Variants in CYGB observed in about 807,000 individuals in gnomAD.
CYGB encodes cytoglobin.
Under a neutral mutation model 20.7 loss-of-function variants are expected in CYGB, and 13 were observed. The observed-to-expected ratio is 0.63, with a 90% confidence interval of 0.41 to 1.00. The LOEUF (loss-of-function observed/expected upper bound fraction) is 1.00, where lower values mean the gene tolerates loss of function less well. Ranked by LOEUF, CYGB falls within the 50% of genes least tolerant of loss-of-function variation. The pLI, the probability that CYGB is intolerant of heterozygous loss-of-function variation, is 0.00. For synonymous variants in CYGB, 93 were observed against 107.4 expected (o/e 0.87, Z 0.83); for missense variants, 218 against 257.2 (o/e 0.85, Z 1.04).
rs1177295031 is a variant in CYGB at position 76,528,132 on chromosome 17, GTA to G, written c.*444_*445del. The G allele has an allele frequency of 2.7e-5, 9 of 333,634 alleles. No individual in the cohort carries two copies. Among genetic ancestry groups the G allele is most frequent in the African/African-American group, 1.3e-4 (6 of 46,634 alleles). 20.7% of individuals were successfully genotyped at this position (333,634 alleles called of 1,614,324 possible). A position where few individuals can be genotyped will look rare whatever the true frequency, so the allele number is the denominator to read the frequency against. On this transcript the variant is annotated 3_prime_UTR_variant, in exon 4 of 4. Transcript: ENST00000293230. The surrounding 1 kb of genome is among the most constrained non-coding windows in gnomAD (Gnocchi z 5.8). ...GATATGTATGTGTGTATATATATATGTATATATATATTTATATATAGCTCGTA... is the reference window on the plus strand; with the variant it reads ...GATATGTATGTGTGTATATATATATGTATATATATTTATATATAGCTCGTA...
chr17:76,535,398 C>T (rs1004220103), intron 1 of CYGB, among the ~76,000 whole-genome samples: 19 of 152,148 alleles, frequency 1.2e-4, no homozygotes, highest in Non-Finnish European at 1.2e-4. Flanking sequence ...GAGAAGGGAC[C>T]TTCAGGAGCC....
At chr17:76,540,213 A>G (rs754000197), upstream of CYGB, 20 of 1,383,780 alleles carry the variant, frequency 1.4e-5, 1 homozygote, top group South Asian at 2.3e-4. The surrounding 1 kb of genome is among the most constrained non-coding windows in gnomAD (Gnocchi z 5.0). Context: ...ACCGAGTCCA[A>G]CCGTGAGAAA....
chr17:76,548,427 C>T (rs1196210311), intron 1 of CYGB, among the ~76,000 whole-genome samples: 1 of 152,172 alleles, frequency 6.6e-6, no homozygotes, highest in Non-Finnish European at 1.5e-5. Context: ...ATGTACAAAC[C>T]CTGTATCAGG....
At chr17:76,537,730 A>T, upstream of CYGB, 2 of 214,354 alleles carry the variant, frequency 9.3e-6, no homozygotes, top group Non-Finnish European at 1.4e-5. Context: ...GCGTGTGTGC[A>T]GGGTATATGT....
chr17:76,541,504 C>T (rs2074993280), upstream of CYGB, among the ~76,000 whole-genome samples: 1 of 152,132 alleles, frequency 6.6e-6, no homozygotes, highest in South Asian at 2.1e-4. Context: ...AAACTGGCAA[C>T]CGAGAGAACT....
chr17:76,538,187 G>C (rs1297870103), upstream of CYGB: 1 of 157,126 alleles, frequency 6.4e-6, no homozygotes. Context: ...GCCCGTGGGG[G>C]CGAACAGGAG....
At chr17:76,540,100 C>A (rs766885858), upstream of CYGB, 2 of 1,575,166 alleles carry the variant, frequency 1.3e-6, no homozygotes, top group Admixed American at 1.8e-5. The surrounding 1 kb of genome is among the most constrained non-coding windows in gnomAD (Gnocchi z 5.0). Context: ...CGCCTGTGGC[C>A]TTCTGCAGAC....
intron 1 of CYGB, among the ~76,000 whole-genome samples, chr17:76,536,884 A>AC (rs1223186848): frequency 4.0e-5 from 6 of 151,584 alleles, no homozygotes; most frequent in South Asian, 4.2e-4. Context: ...GGAACACTGG[A>AC]CCCCCCGGGC....
chr17:76,544,454 C>T (rs1197239379), intron 1 of CYGB: 9 of 455,104 alleles, frequency 2.0e-5, no homozygotes, highest in African/African-American at 4.0e-5. Flanking sequence ...GGAGGGCCTG[C>T]TGGTACCTCG....
upstream of CYGB, chr17:76,538,111 C>T (rs1171384567): frequency 6.5e-6 from 1 of 154,236 alleles, no homozygotes; most frequent in Non-Finnish European, 1.4e-5. Flanking sequence ...GGACCCTTCC[C>T]GCGGCGGGGA....
Position 76,528,943 on chromosome 17 carries a change from T to G in CYGB, c.540-332A>C, listed in dbSNP as rs1454278141. ...ATGTGAGCTCTTTTTCCATTAATTC[T>G]GAAACGTGGCGCATTCTGTCCGGCC... On this transcript the variant is annotated intron_variant, in intron 3 of 3. Coordinates refer to ENST00000293230, the MANE Select transcript of CYGB (RefSeq NM_134268.5). This position sits in a 1 kb window ranked among gnomAD's most constrained non-coding sequence, Gnocchi z 5.8. 1.8e-6 allele frequency: 2 copies of G among 1,103,484 alleles called. No individual in the cohort carries two copies. The highest frequency in any genetic ancestry group is 3.3e-5 in the African/African-American group (2 of 61,382). The allele number at this position is 1,103,484 out of a possible 1,614,324, so 68.4% of individuals were successfully genotyped here.
chr17:76,536,939 G>A (rs1406092240), intron 1 of CYGB, among the ~76,000 whole-genome samples: 1 of 152,226 alleles, frequency 6.6e-6, no homozygotes. Context: ...GTTCTTCCAA[G>A]AGGCTTTGAA....
intron 3 of CYGB, chr17:76,529,114 G>A (rs970326387): frequency 6.3e-5 from 61 of 970,410 alleles, no homozygotes; most frequent in East Asian, 3.7e-4. Flanking sequence ...AAACAGTGGC[G>A]CCTGGCCCAC....
At chr17:76,551,129 C>T (rs1196969932) in exon 1 of CYGB, 1 of 152,176 alleles carries the variant, frequency 6.6e-6, no homozygotes, top group African/African-American at 2.4e-5. Context: ...TGCAGCGTCT[C>T]AGTCAAAACT....
chr17:76,533,305 G>A lies in CYGB; in HGVS notation c.144-1614C>T, dbSNP rs2074870387. 6.6e-6 allele frequency among the ~76,000 whole-genome samples: 1 copy of A among 152,228 alleles called. No homozygotes were observed. ...CATGGATACACGGGTGAGGACACGT[G>A]AGGCGACGGGTCTGAAAATACATTG... On this transcript the variant is annotated intron_variant, in intron 1 of 3. Coordinates refer to ENST00000293230, the MANE Select transcript of CYGB (RefSeq NM_134268.5). The surrounding 1 kb of genome is among the most constrained non-coding windows in gnomAD (Gnocchi z 4.5).
rs1317316895 is a variant in CYGB, at chr17:76,533,224, G to A, written c.144-1533C>T. 3.3e-5 allele frequency among the ~76,000 whole-genome samples: 5 copies of A among 152,128 alleles called. No individual in the cohort carries two copies. Among genetic ancestry groups the A allele is most frequent in the African/African-American group, 7.2e-5 (3 of 41,428 alleles). ...GGCCAACTGTGACCTTGGGCAAACCGCTTCACAAGCTCCCTGTTTGCAGAA... is the reference window on the plus strand; with the variant it reads ...GGCCAACTGTGACCTTGGGCAAACCACTTCACAAGCTCCCTGTTTGCAGAA... On this transcript the variant is annotated intron_variant, in intron 1 of 3. Coordinates refer to ENST00000293230, the MANE Select transcript of CYGB (RefSeq NM_134268.5). The surrounding 1 kb of genome is among the most constrained non-coding windows in gnomAD (Gnocchi z 4.5).
intron 1 of CYGB, 72 bp downstream of exon 1, chr17:76,537,328 C>G: frequency 6.9e-7 from 1 of 1,453,968 alleles, no homozygotes; most frequent in Non-Finnish European, 9.1e-7. Flanking sequence ...CGGACCCGGG[C>G]CCAGCCCTCC....
chr17:76,534,142 CTCTT>C lies in CYGB; in HGVS notation c.144-2455_144-2452del, dbSNP rs1224203223. On this transcript the variant is annotated intron_variant, in intron 1 of 3. Transcript: ENST00000293230. Reference sequence around the variant, plus strand: ...TCTTTCTTTCTTTCTCTCTCTCTTTCTCTTTCTCTCTCTCTCTCTCTCTCTCTCT... The same window carrying C: ...TCTTTCTTTCTTTCTCTCTCTCTTTCTCTCTCTCTCTCTCTCTCTCTCTCT... Among the ~76,000 whole-genome samples, 12 of 122,198 alleles carry C rather than the reference CTCTT, an allele frequency of 9.8e-5. No homozygotes were observed. The East Asian group carries it at 1.4e-3, about 14-fold the overall frequency. 80.2% of individuals were successfully genotyped at this position (122,198 alleles called of 152,430 possible).
At chr17:76,536,283 C>T (rs992966531) in intron 1 of CYGB, among the ~76,000 whole-genome samples, 2 of 152,134 alleles carry the variant, frequency 1.3e-5, no homozygotes, top group Non-Finnish European at 2.9e-5. Flanking sequence ...GGGTCGGTCC[C>T]AGGCTTGGGA....
Sources: allele counts gnomAD v4.1 joint callset (sites outside exome capture counted in the v4.1 genomes callset), GRCh38; gene constraint gnomAD v4.1.1; non-coding constraint Gnocchi (gnomAD v3.1); transcripts MANE v1.5; gene names NCBI Gene and HGNC (gene_info 2026-07-23, HGNC 2026-07-21).